The following PPL variants were observed in gnomAD, a reference collection of about 807,000 sequenced individuals.
PPL encodes 190 kDa paraneoplastic pemphigus antigen.
PPL carries 198 observed loss-of-function variants against 194.4 expected under a neutral mutation model. The ratio of observed to expected loss-of-function variants is 1.02; its 90% CI spans 0.91 to 1.15. PPL has a LOEUF of 1.15. Ranked by LOEUF, PPL falls within the 50% of genes most tolerant of loss-of-function variation. PPL has a pLI of 0.00. For synonymous variants in PPL, 1,220 were observed against 972.4 expected (o/e 1.25, Z -4.74); for missense variants, 2,885 against 2,294.8 (o/e 1.26, Z -5.25).
intron 14 of PPL, chr16:4,892,870 CTGAG>C (rs1202307961): frequency 4.6e-6 from 1 of 216,580 alleles, no homozygotes; most frequent in African/African-American, 2.3e-5. Flanking sequence ...ACTGAAGACA[CTGAG>C]GCCTGGAGTT....
intron 1 of PPL, among the ~76,000 whole-genome samples, chr16:4,922,811 T>C (rs1379091239): frequency 6.6e-6 from 1 of 152,198 alleles, no homozygotes; most frequent in African/African-American, 2.4e-5. Flanking sequence ...CCAGACGTGC[T>C]TTGCTTCTGC....
chr16:4,905,727 G>A (rs1458967027), intron 2 of PPL, among the ~76,000 whole-genome samples: 1 of 152,216 alleles, frequency 6.6e-6, no homozygotes, highest in Non-Finnish European at 1.5e-5. Context: ...TGTCAAGAGT[G>A]CCTTTGCCTG....
chr16:4,897,757 G>A lies in PPL; in HGVS notation c.890C>T (p.Ala297Val). The change falls in exon 9 of 22, where the codon GCT (alanine) becomes GTT (valine). Residue 297 changes from alanine to valine, a missense_variant. Physicochemically the swap from Ala to Val is moderately conservative, Grantham distance 64. Transcript: ENST00000345988. ...GRNSIEAHME[A>V]VHADWKEYLN... Reference sequence around the variant, plus strand: ...GTACTCCTTCCAGTCTGCGTGCACAGCCTCCATGTGCGCCTGCCAGGAAGA... The same window carrying A: ...GTACTCCTTCCAGTCTGCGTGCACAACCTCCATGTGCGCCTGCCAGGAAGA... The A allele has an allele frequency of 1.2e-6, 2 of 1,613,558 alleles. No individual in the cohort carries two copies. Among genetic ancestry groups the A allele is most frequent in the South Asian group, 1.1e-5 (1 of 91,050 alleles).
chr16:4,905,804 G>A (rs1431901664), intron 2 of PPL, among the ~76,000 whole-genome samples: 4 of 152,282 alleles, frequency 2.6e-5, no homozygotes, highest in Non-Finnish European at 5.9e-5. Context: ...TGAGGCTGAT[G>A]TCCCGAAAAG....
At position 4,901,091 on chromosome 16, in the gene PPL, T is replaced by C. The variant is rs768126370; in HGVS notation, c.439-2A>G. ...AAAGCTCTGGTTGTTCAGCTTGTCC[T>C]GGCCAGGAGGGCAGAGAAGCAATAA... On this transcript the variant is annotated splice_acceptor_variant, in intron 4 of 21. Transcript: ENST00000345988. LOFTEE classifies it high-confidence loss of function. 6.2e-7 allele frequency: 1 copy of C among 1,613,826 alleles called. No homozygotes were observed. Among genetic ancestry groups the C allele is most frequent in the Non-Finnish European group, 8.5e-7 (1 of 1,179,868 alleles).
intron 1 of PPL, among the ~76,000 whole-genome samples, chr16:4,914,432 T>C (rs1433023890): frequency 1.3e-5 from 2 of 152,054 alleles, no homozygotes; most frequent in Non-Finnish European, 2.9e-5. Context: ...GTTGGGGGCA[T>C]TGGGGGCAGA....
rs1317344255 is a variant in PPL at position 4,899,270 on chromosome 16, A to G, written c.721T>C (p.Trp241Arg). ...GGGTAGTCGAGGTTGCGGTCACTCCAGTCGTACTGCATGCGGCCCTTGGCC... is the reference window on the plus strand; with the variant it reads ...GGGTAGTCGAGGTTGCGGTCACTCCGGTCGTACTGCATGCGGCCCTTGGCC... ...QQAKGRMQYD[W>R]SDRNLDYPSR... Residue 241 changes from tryptophan (W) to arginine (R), a missense_variant, in exon 7 of 22, where the codon TGG becomes CGG. Transcript: ENST00000345988. 5.6e-6 allele frequency: 9 copies of G among 1,613,890 alleles called. No individual in the cohort carries two copies. Among genetic ancestry groups the G allele is most frequent in the Admixed American group, 1.7e-5 (1 of 60,032 alleles).
In PPL at chr16:4,884,027, C is replaced by G. The variant is rs756729431; in HGVS notation, c.4628G>C (p.Arg1543Thr). The G allele has an allele frequency of 6.2e-7, 1 of 1,613,810 alleles. No homozygotes were observed. Among genetic ancestry groups the G allele is most frequent in the Non-Finnish European group, 8.5e-7 (1 of 1,180,032 alleles). ...GTTATGGAATTCCAGCTCCGAAAGCCTGGCTTCCAGCCGGCTCACCTCGAC... is the reference window on the plus strand; with the variant it reads ...GTTATGGAATTCCAGCTCCGAAAGCGTGGCTTCCAGCCGGCTCACCTCGAC... Reference protein sequence around the residue: ...LDVEVSRLEARLSELEFHNSK... With the variant: ...LDVEVSRLEATLSELEFHNSK... Residue 1543 changes from arginine (R) to threonine (T), a missense_variant, in exon 22 of 22, where the codon AGG becomes ACG. By Grantham distance (71) the Arg-to-Thr change is moderately conservative (BLOSUM62 -1). Transcript: ENST00000345988. This position sits in a 1 kb window ranked among gnomAD's most constrained non-coding sequence, Gnocchi z 5.7.
chr16:4,894,138 C>T (rs978807046), intron 12 of PPL, among the ~76,000 whole-genome samples: 1 of 152,150 alleles, frequency 6.6e-6, no homozygotes, highest in African/African-American at 2.4e-5. Flanking sequence ...GAGGAGGCAG[C>T]CCTTATCCCA....
chr16:4,899,761 C>T (rs1247010300), intron 6 of PPL, among the ~76,000 whole-genome samples: 2 of 152,154 alleles, frequency 1.3e-5, no homozygotes, highest in Non-Finnish European at 2.9e-5. Context: ...GACCTCACAG[C>T]GTACAGAGAC....
In PPL at chr16:4,885,213, G is replaced by C; in HGVS notation, c.3442C>G (p.Gln1148Glu). The C allele has an allele frequency of 6.2e-7, 1 of 1,613,936 alleles. No individual in the cohort carries two copies. The highest frequency in any genetic ancestry group is 8.5e-7 in the Non-Finnish European group (1 of 1,180,026). ...CGGAGCAGCTCCGTCTTCTCCCTCT[G>C]GCTAGCGCGAGCCTTGGCAGCCTCG... Reference protein sequence around the residue: ...EDEAAKARASQREKTELLRKI... With the variant: ...EDEAAKARASEREKTELLRKI... The change falls in exon 22 of 22, where the codon CAG (glutamine) becomes GAG (glutamate). Residue 1148 changes from glutamine to glutamate, a missense_variant. Coordinates refer to ENST00000345988, the MANE Select transcript of PPL (RefSeq NM_002705.5). The surrounding 1 kb of genome is among the most constrained non-coding windows in gnomAD (Gnocchi z 6.3).
intron 9 of PPL, among the ~76,000 whole-genome samples, chr16:4,897,275 T>C (rs569004747): frequency 5.4e-5 from 7 of 130,618 alleles, no homozygotes; most frequent in South Asian, 2.3e-4. Context: ...GTGGAGGTTG[T>C]AGTGAGCCGA....
At chr16:4,936,924 G>T (rs1478260694) in intron 1 of PPL, 60 bp downstream of exon 1, 3 of 1,517,524 alleles carry the variant, frequency 2.0e-6, no homozygotes, top group Non-Finnish European at 2.7e-6. Context: ...AGGTCTTCCA[G>T]GTCCTGTGCG....
rs759397944 is a variant in PPL at position 4,897,670 on chromosome 16, A to G, written c.972+5T>C. 13 of 1,611,660 alleles carry G rather than the reference A, an allele frequency of 8.1e-6. No homozygotes were observed. Among genetic ancestry groups the G allele is most frequent in the Non-Finnish European group, 1.0e-5 (12 of 1,178,446 alleles). The stretch of plus-strand genomic sequence containing the variant: ...GCTGGGGGGACTCCCAGGAAAGGTA[A>G]GTACCTGGTGGTAGTCCTCCATGTA... On this transcript the variant is annotated splice_donor_5th_base_variant and intron_variant, in intron 9 of 21. Transcript: ENST00000345988.
intron 1 of PPL, among the ~76,000 whole-genome samples, chr16:4,926,351 C>G (rs773230770): frequency 3.0e-4 from 45 of 152,214 alleles, no homozygotes; most frequent in Non-Finnish European, 5.6e-4. Flanking sequence ...CTGCCCCTTA[C>G]AGGCCCTGGC....
chr16:4,883,587 T>A lies in PPL; in HGVS notation c.5068A>T (p.Ser1690Cys). The change falls in exon 22 of 22, where the codon AGC (serine) becomes TGC (cysteine). Residue 1690 changes from serine to cysteine, a missense_variant. Transcript: ENST00000345988. This position sits in a 1 kb window ranked among gnomAD's most constrained non-coding sequence, Gnocchi z 4.8. ...IDWNMFVKLR[S>C]QECDWEEISV... is the part of the protein sequence containing the mutation. ...ATCTCCTCCCAGTCGCACTCCTGGC[T>A]TCTGAGTTTCACGAACATGTTCCAG... 6.2e-7 allele frequency: 1 copy of A among 1,614,180 alleles called. No homozygotes were observed. The highest frequency in any genetic ancestry group is 8.5e-7 in the Non-Finnish European group (1 of 1,180,026).
chr16:4,909,050 G>C (rs1333275808), intron 2 of PPL, among the ~76,000 whole-genome samples: 3 of 152,226 alleles, frequency 2.0e-5, no homozygotes, highest in African/African-American at 7.2e-5. Context: ...GGGAACAGGT[G>C]TGGGGTGGCC....
rs373066725 is a variant in PPL at position 4,885,734 on chromosome 16, A to T, written c.2921T>A (p.Leu974Gln). 6.8e-6 allele frequency: 11 copies of T among 1,612,834 alleles called. No homozygotes were observed. The East Asian group carries it at 2.5e-4, about 36-fold the overall frequency. The change falls in exon 22 of 22, where the codon CTG becomes CAG. Residue 974 changes from leucine to glutamine, a missense_variant. Coordinates refer to ENST00000345988, the MANE Select transcript of PPL (RefSeq NM_002705.5). The surrounding 1 kb of genome is among the most constrained non-coding windows in gnomAD (Gnocchi z 6.3). ...CTCCAGGGCACGCAGCTGCAGCTGC[A>T]GTGCCTCCAGCTCCTCCTGCAGCAG... ...NQLLQEELEA[L>Q]QLQLRALEQE... is the part of the protein sequence containing the mutation.
In PPL at chr16:4,883,709, T is replaced by G; in HGVS notation, c.4946A>C (p.Gln1649Pro). 1 of 1,614,024 alleles carries G rather than the reference T, an allele frequency of 6.2e-7. No individual in the cohort carries two copies. The highest frequency in any genetic ancestry group is 8.5e-7 in the Non-Finnish European group (1 of 1,180,006). ...GGAGCGCCGCAGGTGGTTCTCCCGC[T>G]GCTCCCGCTTGACGGCCACGGAGCC... ...RLGSVAVKREQRENHLRRSIV... is the reference protein window; with the variant it reads ...RLGSVAVKREPRENHLRRSIV... The change falls in exon 22 of 22, where the codon CAG becomes CCG. Residue 1649 changes from glutamine to proline, a missense_variant. By Grantham distance (76) the Gln-to-Pro change is moderately conservative. Coordinates refer to ENST00000345988, the MANE Select transcript of PPL (RefSeq NM_002705.5). This position sits in a 1 kb window ranked among gnomAD's most constrained non-coding sequence, Gnocchi z 4.8.
Sources: gnomAD v4.1 joint callset for allele counts (sites outside exome capture counted in the v4.1 genomes callset) on GRCh38, gnomAD v4.1.1 for gene constraint, Gnocchi (gnomAD v3.1) non-coding constraint, MANE v1.5 for transcripts, NCBI Gene and HGNC (gene_info 2026-07-23, HGNC 2026-07-21) for gene names.